Variants in ZNF324B observed in about 807,000 individuals in gnomAD.
ZNF324B encodes the protein zinc finger protein 324B.
Under a neutral mutation model 10.6 loss-of-function variants are expected in ZNF324B, and 7 were observed. That is an observed-to-expected ratio of 0.66 (90% confidence interval 0.38 to 1.24). ZNF324B has a LOEUF of 1.24. Among genes scored for constraint, ZNF324B ranks in the 50% most tolerant of loss-of-function variants. The pLI, the probability that ZNF324B is intolerant of heterozygous loss-of-function variation, is 0.02. For synonymous variants in ZNF324B, 316 were observed against 321.0 expected (o/e 0.98, Z 0.17); for missense variants, 640 against 764.7 (o/e 0.84, Z 1.92).
chr19:58,448,367 G>C (rs1429719695), upstream of ZNF324B, among the ~76,000 whole-genome samples: 3 of 152,238 alleles, frequency 2.0e-5, no homozygotes, highest in African/African-American at 4.8e-5. Flanking sequence ...TTTTAGCAAA[G>C]AGACTGGTGG....
the ZNF324B span, chr19:58,432,336 A>C: frequency 1.9e-6 from 1 of 517,332 alleles, no homozygotes; most frequent in South Asian, 1.4e-5. Context: ...TGGCAAATAC[A>C]AAGGTCTGTA....
chr19:58,433,991 G>A, the ZNF324B span: 167 of 1,613,828 alleles, frequency 1.0e-4, no homozygotes, highest in East Asian at 1.5e-3. Flanking sequence ...TCAAAAGGCC[G>A]TTCTCCAGTG....
chr19:58,433,565 A>G, the ZNF324B span: 2 of 1,614,080 alleles, frequency 1.2e-6, no homozygotes, highest in Admixed American at 3.3e-5. Flanking sequence ...CTGCATTCGT[A>G]AGGCCTTTCT....
the ZNF324B span, among the ~76,000 whole-genome samples, chr19:58,424,582 A>G: frequency 1.3e-5 from 2 of 152,240 alleles, no homozygotes; most frequent in Admixed American, 1.3e-4. Context: ...AGACAAACAT[A>G]CAAATATATG....
the ZNF324B span, chr19:58,435,425 A>T: frequency 1.8e-6 from 1 of 543,286 alleles, no homozygotes; most frequent in Non-Finnish European, 3.2e-6. Flanking sequence ...CACCAGGGGT[A>T]AGGACACAGA....
At position 58,455,354 on chromosome 19, in the gene ZNF324B, C is replaced by G. The variant is rs748705542; in HGVS notation, c.410C>G (p.Thr137Arg). The G allele has an allele frequency of 6.2e-7, 1 of 1,614,198 alleles. No individual in the cohort carries two copies. The highest frequency in any genetic ancestry group is 1.1e-5 in the South Asian group (1 of 91,088). ...GASPSQERKPTGVSVIYWERL... is the reference protein window; with the variant it reads ...GASPSQERKPRGVSVIYWERL... ...TCCCCATCTCAGGAGAGAAAACCCA[C>G]GGGGGTGTCGGTGATCTACTGGGAG... Residue 137 changes from threonine to arginine, a missense_variant, in exon 4 of 4, where the codon ACG (threonine) becomes AGG (arginine). This residue lies in a region of ZNF324B where 345 missense variants were observed against 387.9 expected (regional missense o/e 0.89). Coordinates refer to ENST00000336614, the MANE Select transcript of ZNF324B (RefSeq NM_207395.3). The surrounding 1 kb of genome is among the most constrained non-coding windows in gnomAD (Gnocchi z 7.0).
At chr19:58,425,803 C>T in the ZNF324B span, among the ~76,000 whole-genome samples, 1 of 152,110 alleles carries the variant, frequency 6.6e-6, no homozygotes, top group East Asian at 1.9e-4. Flanking sequence ...ACAAAAACAG[C>T]CTAACAAAAA....
In ZNF324B at chr19:58,456,593, A is replaced by G. The variant is rs975670665; in HGVS notation, c.*14A>G. 3.7e-6 allele frequency: 6 copies of G among 1,607,538 alleles called. No individual in the cohort carries two copies. Among genetic ancestry groups the G allele is most frequent in the Non-Finnish European group, 5.1e-6 (6 of 1,176,096 alleles). The stretch of plus-strand genomic sequence containing the variant: ...GCGAAGGTCTGAGGTCACAGGTCGC[A>G]GCCCAACCCTTTCTTGGCCTTCTGT... On this transcript the variant is annotated 3_prime_UTR_variant, in exon 4 of 4. Coordinates refer to ENST00000336614, the MANE Select transcript of ZNF324B (RefSeq NM_207395.3). The surrounding 1 kb of genome is among the most constrained non-coding windows in gnomAD (Gnocchi z 4.7).
the ZNF324B span, chr19:58,442,228 G>C: frequency 7.2e-6 from 1 of 139,784 alleles, no homozygotes; most frequent in Non-Finnish European, 1.5e-5. Flanking sequence ...GACTGCAGTG[G>C]CGCAATCTCG....
At chr19:58,421,561 A>G in the ZNF324B span, among the ~76,000 whole-genome samples, 2 of 152,040 alleles carry the variant, frequency 1.3e-5, no homozygotes, top group Non-Finnish European at 2.9e-5. Flanking sequence ...TTGTATTTTT[A>G]GTAGAGACAG....
At chr19:58,426,538 T>C in the ZNF324B span, among the ~76,000 whole-genome samples, 3 of 152,156 alleles carry the variant, frequency 2.0e-5, no homozygotes, top group Admixed American at 6.5e-5. Flanking sequence ...CCAGAGAAGG[T>C]TACTGAGTGT....
chr19:58,441,587 T>C, the ZNF324B span: 1 of 152,230 alleles, frequency 6.6e-6, no homozygotes, highest in Non-Finnish European at 1.5e-5. Context: ...AGATTAGCGA[T>C]GGATTTTGTA....
At chr19:58,437,672 C>T in the ZNF324B span, 3 of 975,536 alleles carry the variant, frequency 3.1e-6, no homozygotes, top group African/African-American at 1.8e-5. Flanking sequence ...TCCAACCCCT[C>T]CCTGTTCACA....
At chr19:58,427,349 C>CTTTCTTTCTTTCTTTCTTTCCTT in the ZNF324B span, among the ~76,000 whole-genome samples, 1 of 56,014 alleles carries the variant, frequency 1.8e-5, no homozygotes, top group Admixed American at 2.2e-4. Flanking sequence ...CTTTCTCTTT[C>CTTTCTTTCTTTCTTTCTTTCCTT]CTTTCTTTCT....
the ZNF324B span, chr19:58,436,891 A>G: frequency 4.9e-5 from 48 of 974,918 alleles, no homozygotes; most frequent in Non-Finnish European, 5.2e-5. Context: ...AGACAGGGGA[A>G]GTACACACAG....
At chr19:58,444,349 T>G in the ZNF324B span, 1 of 152,218 alleles carries the variant, frequency 6.6e-6, no homozygotes, top group East Asian at 1.9e-4. Context: ...TTTAAATAGT[T>G]GTTATCTGCA....
chr19:58,447,325 A>C (rs2052832557), upstream of ZNF324B, among the ~76,000 whole-genome samples: 1 of 152,236 alleles, frequency 6.6e-6, no homozygotes, highest in Non-Finnish European at 1.5e-5. Flanking sequence ...AGGGTCAATC[A>C]GCTGCCCCAG....
At chr19:58,434,299 C>G in the ZNF324B span, 214 of 1,613,852 alleles carry the variant, frequency 1.3e-4, no homozygotes, top group Non-Finnish European at 1.7e-4. Context: ...GCTGAAGGCT[C>G]TTCCACATTT....
Position 58,456,621 on chromosome 19 carries a change from A to T in ZNF324B, c.*42A>T, listed in dbSNP as rs1448719476. ...CCAACCCTTTCTTGGCCTTCTGTGA[A>T]TCCCTTCCACAGCTAAAGGGTCCGA... On this transcript the variant is annotated 3_prime_UTR_variant, in exon 4 of 4. Coordinates refer to ENST00000336614, the MANE Select transcript of ZNF324B (RefSeq NM_207395.3). This position sits in a 1 kb window ranked among gnomAD's most constrained non-coding sequence, Gnocchi z 4.7. The T allele has an allele frequency of 2.5e-6, 4 of 1,586,626 alleles. No homozygotes were observed. Among genetic ancestry groups the T allele is most frequent in the Non-Finnish European group, 3.4e-6 (4 of 1,165,266 alleles).
Sources: gnomAD v4.1 joint callset for allele counts (sites outside exome capture counted in the v4.1 genomes callset) on GRCh38, gnomAD v4.1.1 for gene constraint, gnomAD v4.1.1 regional missense constraint, Gnocchi (gnomAD v3.1) non-coding constraint, MANE v1.5 for transcripts, NCBI Gene and HGNC (gene_info 2026-07-23, HGNC 2026-07-21) for gene names.